SGCZ: variants seen among roughly 807,000 people sequenced by gnomAD.
SGCZ encodes the protein zeta-sarcoglycan.
A neutral mutation model predicts 41.3 loss-of-function variants in SGCZ; 40 were observed. The observed-to-expected ratio is 0.97, with a 90% CI of 0.75 to 1.26. SGCZ has a LOEUF of 1.26. SGCZ is among the 50% of genes most tolerant of loss of function. The pLI is 0.00. For synonymous variants in SGCZ, 206 were observed against 137.5 expected (o/e 1.50, Z -3.49); for missense variants, 552 against 369.8 (o/e 1.49, Z -4.04).
intron 1 of SGCZ, among the ~76,000 whole-genome samples, chr8:14,866,599 C>G (rs984860562): frequency 6.6e-6 from 1 of 151,876 alleles, no homozygotes; most frequent in Non-Finnish European, 1.5e-5. Flanking sequence ...CGCTTGAGTC[C>G]AGGAGTTTGA....
In SGCZ at chr8:14,730,782, T is replaced by C. The variant is rs996694151; in HGVS notation, c.40-175856A>G. Among the ~76,000 whole-genome samples, 28 of 151,938 alleles carry C rather than the reference T, an allele frequency of 1.8e-4. 1 individual carries two copies. Among genetic ancestry groups the C allele is most frequent in the African/African-American group, 6.1e-4 (25 of 41,316 alleles). ...CTATGTTAAATTGGAATGAAACTGATGTTAAAAACAATTAATAATTACATT... is the reference window on the plus strand; with the variant it reads ...CTATGTTAAATTGGAATGAAACTGACGTTAAAAACAATTAATAATTACATT... On this transcript the variant is annotated intron_variant, in intron 1 of 7. Transcript: ENST00000382080.
chr8:14,382,529 A>G (rs1303366287), intron 2 of SGCZ, among the ~76,000 whole-genome samples: 2 of 151,998 alleles, frequency 1.3e-5, no homozygotes, highest in East Asian at 3.9e-4. Flanking sequence ...CTCCCCTAAA[A>G]CTCCTAAGGC....
chr8:15,207,709 T>G (rs1020374518), intron 1 of SGCZ, among the ~76,000 whole-genome samples: 2 of 151,892 alleles, frequency 1.3e-5, no homozygotes, highest in African/African-American at 2.4e-5. Flanking sequence ...AATAGAAAAT[T>G]TGGAAGTGAA....
At chr8:14,384,101 GCTAT>G (rs1563294190) in intron 2 of SGCZ, among the ~76,000 whole-genome samples, 2 of 152,012 alleles carry the variant, frequency 1.3e-5, no homozygotes, top group Non-Finnish European at 2.9e-5. Context: ...GTCTCCTAAT[GCTAT>G]CCCTCCCACC....
intron 1 of SGCZ, among the ~76,000 whole-genome samples, chr8:14,619,288 C>T (rs368000864): frequency 3.0e-4 from 45 of 152,000 alleles, no homozygotes; most frequent in East Asian, 2.3e-3. Context: ...TGGGATGTAT[C>T]TCAAAATAAT....
intron 2 of SGCZ, among the ~76,000 whole-genome samples, chr8:14,553,876 T>C (rs77248333): frequency 0.091 from 13,853 of 152,088 alleles, 970 homozygotes; most frequent in East Asian, 0.35. Context: ...TAAAGAATAA[T>C]AGCAGTCTGG....
At chr8:14,238,479 T>C (rs1563204311) in intron 3 of SGCZ, among the ~76,000 whole-genome samples, 1 of 152,204 alleles carries the variant, frequency 6.6e-6, no homozygotes, top group East Asian at 1.9e-4. Flanking sequence ...TTGTAAATTC[T>C]CCTTTAGGAC....
At chr8:15,059,640 T>A (rs957224311) in intron 1 of SGCZ, among the ~76,000 whole-genome samples, 5 of 151,752 alleles carry the variant, frequency 3.3e-5, no homozygotes, top group African/African-American at 1.2e-4. Context: ...TGAAATACTG[T>A]CTTCCTAAAT....
Position 14,554,885 on chromosome 8 carries a change from G to C in SGCZ, c.81C>G (p.Asn27Lys), listed in dbSNP as rs1277924609. 6.2e-7 allele frequency: 1 copy of C among 1,612,350 alleles called. No individual in the cohort carries two copies. The highest frequency in any genetic ancestry group is 1.7e-5 in the Admixed American group (1 of 59,832). Residue 27 changes from asparagine to lysine, a missense_variant, in exon 2 of 8, where the codon AAC becomes AAG. By Grantham distance (94) the Asn-to-Lys change is moderately conservative (BLOSUM62 0). Transcript: ENST00000382080. ...EQYILATQQN[N>K]LPRTENAQLY... ...GTTGTGCATTCTCAGTCCTTGGCAG[G>C]TTATTCTGTTGGGTTGCTAGTATGT...
At chr8:14,904,395 A>G (rs1440313035) in intron 1 of SGCZ, among the ~76,000 whole-genome samples, 5 of 152,112 alleles carry the variant, frequency 3.3e-5, no homozygotes, top group Non-Finnish European at 7.4e-5. Context: ...AGTTCAATAT[A>G]GCACGCAAAA....
At chr8:14,838,233 G>C (rs1444914350) in intron 1 of SGCZ, among the ~76,000 whole-genome samples, 2 of 152,040 alleles carry the variant, frequency 1.3e-5, no homozygotes, top group South Asian at 2.1e-4. Context: ...AGAATGAATA[G>C]GGGCTAGTGT....
At position 14,769,793 on chromosome 8, in the gene SGCZ, TAAAAAA is replaced by T. The variant is rs565416806; in HGVS notation, c.40-214873_40-214868del. Among the ~76,000 whole-genome samples, 140 of 52,216 alleles carry T rather than the reference TAAAAAA, an allele frequency of 2.7e-3. 5 individuals carry two copies. Among genetic ancestry groups the T allele is most frequent in the African/African-American group, 0.016 (133 of 8,122 alleles). The allele number at this position is 52,216 out of a possible 152,430, so 34.3% of individuals were successfully genotyped here. A position where few individuals can be genotyped will look rare whatever the true frequency, so the allele number is the denominator to read the frequency against. On this transcript the variant is annotated intron_variant, in intron 1 of 7. Coordinates refer to ENST00000382080, the MANE Select transcript of SGCZ (RefSeq NM_139167.4). ...CTGGGCGACAAGAGCAAAACACCATTAAAAAAAAAAAAAAAAAAAAAACCCAGCAAC... is the reference window on the plus strand; with the variant it reads ...CTGGGCGACAAGAGCAAAACACCATTAAAAAAAAAAAAAAAACCCAGCAAC...
intron 1 of SGCZ, among the ~76,000 whole-genome samples, chr8:14,617,760 T>G (rs1386747383): frequency 6.6e-6 from 1 of 151,984 alleles, no homozygotes; most frequent in Non-Finnish European, 1.5e-5. Flanking sequence ...TAAAGTAGGG[T>G]GGGAATATTA....
At chr8:14,310,940 G>A (rs1474535254) in intron 3 of SGCZ, among the ~76,000 whole-genome samples, 1 of 152,082 alleles carries the variant, frequency 6.6e-6, no homozygotes, top group Non-Finnish European at 1.5e-5. Context: ...CCATGTCTGT[G>A]TACCCCGTGG....
At chr8:14,281,466 CA>C in intron 3 of SGCZ, among the ~76,000 whole-genome samples, 1 of 151,720 alleles carries the variant, frequency 6.6e-6, no homozygotes, top group South Asian at 2.1e-4. Context: ...TTTTTTATAT[CA>C]TAGAACTTTG....
At chr8:14,318,044 A>C (rs1801774648) in intron 3 of SGCZ, among the ~76,000 whole-genome samples, 1 of 152,024 alleles carries the variant, frequency 6.6e-6, no homozygotes, top group South Asian at 2.1e-4. Flanking sequence ...GCATAGAGTT[A>C]CTGGAAATAA....
At chr8:14,247,275 C>T (rs959488402) in intron 3 of SGCZ, among the ~76,000 whole-genome samples, 1 of 152,188 alleles carries the variant, frequency 6.6e-6, no homozygotes, top group African/African-American at 2.4e-5. Context: ...CCTTCTGGCT[C>T]CTGTCCACCT....
intron 1 of SGCZ, among the ~76,000 whole-genome samples, chr8:15,137,652 AG>A (rs61590116): frequency 0.17 from 25,670 of 152,186 alleles, 2,436 homozygotes; most frequent in African/African-American, 0.26. Context: ...GCAATCCCCA[AG>A]CCTTGGCACC....
At chr8:14,131,792 G>A (rs569427008) in intron 5 of SGCZ, among the ~76,000 whole-genome samples, 1 of 152,174 alleles carries the variant, frequency 6.6e-6, no homozygotes, top group South Asian at 2.1e-4. Context: ...TATTTTTATA[G>A]TACATTTTCT....
Sources: gnomAD v4.1 joint callset for allele counts (sites outside exome capture counted in the v4.1 genomes callset) on GRCh38, gnomAD v4.1.1 for gene constraint, MANE v1.5 for transcripts, NCBI Gene and HGNC (gene_info 2026-07-23, HGNC 2026-07-21) for gene names.